The following GRID2 variants were observed in gnomAD, a reference collection of about 807,000 sequenced individuals.
GRID2 encodes glutamate ionotropic receptor delta type subunit 2.
In GRID2, 33 loss-of-function variants were observed where a neutral mutation model predicts 114.8. That is an observed-to-expected ratio of 0.29 (90% CI 0.22 to 0.38). The LOEUF is 0.38. Among genes scored for constraint, GRID2 ranks in the 10% least tolerant of loss-of-function variants. GRID2 has a pLI of 1.00. For missense variants in GRID2, 1,184 were observed against 1,257.7 expected (o/e 0.94, Z 0.89); for synonymous variants, 505 against 449.9 (o/e 1.12, Z -1.55).
chr4:92,547,373 A>C (rs769022214), intron 1 of GRID2, among the ~76,000 whole-genome samples: 1 of 152,186 alleles, frequency 6.6e-6, no homozygotes, highest in African/African-American at 2.4e-5. Context: ...TACTGAAAAT[A>C]TATACTCAGT....
intron 14 of GRID2, among the ~76,000 whole-genome samples, chr4:93,757,544 A>G (rs944487624): frequency 3.3e-5 from 5 of 152,246 alleles, no homozygotes; most frequent in African/African-American, 1.2e-4. Context: ...TGACCTTTGC[A>G]CGGTGCCTTC....
intron 2 of GRID2, among the ~76,000 whole-genome samples, chr4:92,696,007 A>T (rs188703740): frequency 6.6e-6 from 1 of 152,198 alleles, no homozygotes; most frequent in Non-Finnish European, 1.5e-5. Flanking sequence ...TAAATGAAAT[A>T]CATATGCTTC....
chr4:93,584,886 T>C (rs910239518), intron 13 of GRID2, among the ~76,000 whole-genome samples: 1 of 152,140 alleles, frequency 6.6e-6, no homozygotes, highest in South Asian at 2.1e-4. Flanking sequence ...TCCCATCAAA[T>C]GTCTCATAAA....
chr4:92,359,584 CCTT>C (rs983055788), intron 1 of GRID2, among the ~76,000 whole-genome samples: 29 of 152,084 alleles, frequency 1.9e-4, no homozygotes, highest in African/African-American at 7.0e-4. Context: ...CTCTTTCTCC[CCTT>C]CTTACAGAGG....
intron 3 of GRID2, among the ~76,000 whole-genome samples, chr4:93,095,717 T>C (rs1323051091): frequency 6.6e-6 from 1 of 151,998 alleles, no homozygotes; most frequent in South Asian, 2.1e-4. Flanking sequence ...ACATTTACGC[T>C]AAAAATTATG....
chr4:93,408,356 A>G (rs970854520), intron 9 of GRID2, among the ~76,000 whole-genome samples: 1 of 141,928 alleles, frequency 7.0e-6, no homozygotes, highest in Non-Finnish European at 1.6e-5. Context: ...AATAAATAGG[A>G]CTAATGCTCA....
chr4:92,875,508 A>G (rs1346846962), intron 2 of GRID2, among the ~76,000 whole-genome samples: 1 of 152,214 alleles, frequency 6.6e-6, no homozygotes, highest in African/African-American at 2.4e-5. Context: ...AAGGTTCAAT[A>G]CAACACATTT....
chr4:92,912,734 C>G (rs375527339), intron 2 of GRID2, among the ~76,000 whole-genome samples: 2 of 151,558 alleles, frequency 1.3e-5, no homozygotes, highest in African/African-American at 4.8e-5. Flanking sequence ...ATAGAGATGT[C>G]GAAAACAAAC....
At chr4:93,410,002 A>G (rs1158063497) in intron 9 of GRID2, among the ~76,000 whole-genome samples, 2 of 152,202 alleles carry the variant, frequency 1.3e-5, no homozygotes, top group Non-Finnish European at 2.9e-5. Flanking sequence ...ACTGACTACC[A>G]TAATCAAATC....
At chr4:93,520,999 A>G (rs1730285731) in intron 13 of GRID2, among the ~76,000 whole-genome samples, 1 of 152,084 alleles carries the variant, frequency 6.6e-6, no homozygotes, top group African/African-American at 2.4e-5. Flanking sequence ...GCGGGGGTGG[A>G]CCAGAGTGAT....
chr4:93,297,895 G>A (rs145658025), intron 8 of GRID2, among the ~76,000 whole-genome samples: 1 of 152,244 alleles, frequency 6.6e-6, no homozygotes, highest in East Asian at 1.9e-4. Context: ...TACATAGGAA[G>A]TATATAACAC....
At chr4:93,173,286 T>C (rs1291418382) in intron 4 of GRID2, among the ~76,000 whole-genome samples, 1 of 152,188 alleles carries the variant, frequency 6.6e-6, no homozygotes, top group African/African-American at 2.4e-5. Flanking sequence ...TTTCCCATTT[T>C]TAAGCACCAT....
intron 2 of GRID2, among the ~76,000 whole-genome samples, chr4:92,935,577 C>T (rs1750604323): frequency 6.8e-6 from 1 of 146,868 alleles, no homozygotes; most frequent in Non-Finnish European, 1.5e-5. Context: ...TATAAAAACA[C>T]ACACACACGT....
rs183061650 is a variant in GRID2 at position 93,172,112 on chromosome 4, A to G, written c.736-35292A>G. Among the ~76,000 whole-genome samples the G allele has an allele frequency of 2.2e-4, 34 of 152,268 alleles. 1 individual carries two copies. In the East Asian group the frequency reaches 5.6e-3, roughly 25 times the overall value. Reference sequence around the variant, plus strand: ...AGGTCAATATATTTCATCTTCACCTACAAGTTTAAAAACATATACCACAAG... The same window carrying G: ...AGGTCAATATATTTCATCTTCACCTGCAAGTTTAAAAACATATACCACAAG... On this transcript the variant is annotated intron_variant, in intron 4 of 15. Transcript: ENST00000282020.
At chr4:93,007,831 A>G (rs1471305873) in intron 2 of GRID2, among the ~76,000 whole-genome samples, 2 of 152,054 alleles carry the variant, frequency 1.3e-5, no homozygotes, top group Non-Finnish European at 2.9e-5. Context: ...ACTTGAGGTC[A>G]GGAGTTGGAG....
intron 1 of GRID2, among the ~76,000 whole-genome samples, chr4:92,410,835 A>ATTTTTTT (rs5860274): frequency 8.5e-6 from 1 of 117,864 alleles, no homozygotes; most frequent in African/African-American, 3.2e-5. Flanking sequence ...CTGCAAAAGC[A>ATTTTTTT]TTTTTTTTTT....
chr4:93,300,078 A>G (rs915637571), intron 8 of GRID2, among the ~76,000 whole-genome samples: 1 of 151,956 alleles, frequency 6.6e-6, no homozygotes, highest in Non-Finnish European at 1.5e-5. Flanking sequence ...GCTATACAGT[A>G]TTTGTTCTTT....
chr4:93,264,709 G>GATATATATATAT (rs70942961), intron 8 of GRID2, among the ~76,000 whole-genome samples: 1,508 of 132,838 alleles, frequency 0.011, 30 homozygotes, highest in East Asian at 0.058. Context: ...AGTTTTGAAT[G>GATATATATATAT]ATATATATAT....
chr4:93,070,749 A>G (rs1728736291), intron 2 of GRID2, among the ~76,000 whole-genome samples: 1 of 152,128 alleles, frequency 6.6e-6, no homozygotes. Flanking sequence ...AAAATTATCT[A>G]AAATATATCT....
Sources: gnomAD v4.1 joint callset for allele counts (sites outside exome capture counted in the v4.1 genomes callset) on GRCh38, gnomAD v4.1.1 for gene constraint, MANE v1.5 for transcripts, NCBI Gene and HGNC (gene_info 2026-07-23, HGNC 2026-07-21) for gene names.